CCNH: variants seen among roughly 807,000 people sequenced by gnomAD.
CCNH encodes the protein cyclin H, also known as cyclin-H.
Under a neutral mutation model 41.9 loss-of-function variants are expected in CCNH, and 31 were observed. The ratio of observed to expected loss-of-function variants is 0.74; its 90% CI spans 0.56 to 1.00. The LOEUF is 1.00. CCNH is among the 50% of genes least tolerant of loss of function. The pLI, the probability that CCNH is intolerant of heterozygous loss-of-function variation, is 0.00. For synonymous variants in CCNH, 138 were observed against 136.1 expected (o/e 1.01, Z -0.10); for missense variants, 362 against 388.4 (o/e 0.93, Z 0.57).
chr5:87,386,950 AT>A (rs1265084276), downstream of CCNH: 2 of 1,478,810 alleles, frequency 1.4e-6, no homozygotes, highest in African/African-American at 2.8e-5. Context: ...TCTAGTTGAT[AT>A]AGCTGAGTTA....
chr5:87,314,854 T>C (rs1756202503), downstream of CCNH, among the ~76,000 whole-genome samples: 1 of 152,230 alleles, frequency 6.6e-6, no homozygotes, highest in Non-Finnish European at 1.5e-5. Context: ...TTAGGAATTA[T>C]TTACATTGTT....
chr5:87,312,114 T>C, the CCNH span, among the ~76,000 whole-genome samples: 10 of 152,360 alleles, frequency 6.6e-5, no homozygotes, highest in African/African-American at 2.4e-4. Flanking sequence ...ATGCAACCTA[T>C]GATATGCATC....
Position 87,349,372 on chromosome 5 carries a change from A to G in CCNH, c.*91-30475T>C, listed in dbSNP as rs757811116. 2.9e-5 allele frequency: 47 copies of G among 1,610,922 alleles called. No homozygotes were observed. Among genetic ancestry groups the G allele is most frequent in the Non-Finnish European group, 3.7e-5 (44 of 1,178,022 alleles). On this transcript the variant is annotated intron_variant and NMD_transcript_variant, in intron 9 of 9. Transcript: ENST00000645953. ...AGGCCGGTATTATAACAGGTAAATC[A>G]TAATTTTTTAGCTATCTTTTACTTT...
At chr5:87,412,326 A>G in intron 1 of CCNH, 1 of 847,268 alleles carries the variant, frequency 1.2e-6, no homozygotes, top group Non-Finnish European at 1.5e-6. Flanking sequence ...ACTGCCTGGA[A>G]CTTCCTTTCC....
chr5:87,359,666 G>T (rs781182403), intron 9 of CCNH, among the ~76,000 whole-genome samples: 3 of 152,084 alleles, frequency 2.0e-5, no homozygotes, highest in Non-Finnish European at 2.9e-5. Flanking sequence ...ATACAAATCT[G>T]TATTACCAGG....
In CCNH at chr5:87,399,509, T is replaced by C. The variant is rs1205502865; in HGVS notation, c.761-4A>G. On this transcript the variant is annotated splice_region_variant and splice_polypyrimidine_tract_variant and intron_variant, in intron 6 of 8. Transcript: ENST00000256897. ...TTCTTTACTAAGTTTCTCATGCCTA[T>C]GTGGATACAAAAAAAGAATTTAAAC... 1.9e-6 allele frequency: 3 copies of C among 1,586,820 alleles called. No homozygotes were observed. Among genetic ancestry groups the C allele is most frequent in the African/African-American group, 1.3e-5 (1 of 74,476 alleles).
At chr5:87,394,880 C>A in intron 8 of CCNH, 164 bp downstream of exon 8, 2 of 1,412,122 alleles carry the variant, frequency 1.4e-6, no homozygotes, top group East Asian at 2.5e-5. Flanking sequence ...AGAAAAATCC[C>A]TTTAATAATG....
At chr5:87,330,949 C>T in intron 9 of CCNH, 1 of 1,430,348 alleles carries the variant, frequency 7.0e-7, no homozygotes, top group South Asian at 1.5e-5. Flanking sequence ...TTCCATGTGC[C>T]TTGTGAAGTC....
At chr5:87,330,937 G>T in intron 9 of CCNH, 1 of 1,418,194 alleles carries the variant, frequency 7.1e-7, no homozygotes, top group Non-Finnish European at 9.2e-7. Context: ...TATTCTCATA[G>T]GTTCCATGTG....
At chr5:87,325,503 G>A (rs993746831) in intron 9 of CCNH, among the ~76,000 whole-genome samples, 2 of 152,208 alleles carry the variant, frequency 1.3e-5, no homozygotes, top group Non-Finnish European at 2.9e-5. Flanking sequence ...TTAGCATTTT[G>A]AGGCTTGTAG....
intron 9 of CCNH, among the ~76,000 whole-genome samples, chr5:87,348,780 T>A (rs1759046757): frequency 6.6e-6 from 1 of 151,936 alleles, no homozygotes; most frequent in Admixed American, 6.6e-5. Context: ...GTTTAATGAT[T>A]AATTGAAAAC....
Position 87,404,859 on chromosome 5 carries a change from C to T in CCNH, c.674G>A (p.Gly225Glu), listed in dbSNP as rs952174214. 2 of 1,609,706 alleles carry T rather than the reference C, an allele frequency of 1.2e-6. No individual in the cohort carries two copies. The highest frequency in any genetic ancestry group is 1.7e-6 in the Non-Finnish European group (2 of 1,178,562). ...TAILSSASRA[G>E]ITMESYLSES... ...TAATTAATACCTTTCCATAGTAATT[C>T]CAGCCCTGGAGGCACTAGATAAAAT... Residue 225 changes from glycine (G) to glutamate (E), a missense_variant, in exon 5 of 9, where the codon GGA becomes GAA. Gly to Glu is a moderately conservative substitution (Grantham distance 98, BLOSUM62 -2). Coordinates refer to ENST00000256897, the MANE Select transcript of CCNH (RefSeq NM_001239.4).
chr5:87,344,369 A>G (rs1353071414), intron 9 of CCNH, among the ~76,000 whole-genome samples: 1 of 152,160 alleles, frequency 6.6e-6, no homozygotes, highest in Non-Finnish European at 1.5e-5. Context: ...AAAAAATTGA[A>G]TCTTATACTG....
chr5:87,394,589 G>A, intron 8 of CCNH, 105 bp from the exon 9 acceptor site: 1 of 1,546,838 alleles, frequency 6.5e-7, no homozygotes, highest in Admixed American at 2.0e-5. Context: ...TACCCATGTG[G>A]ATTACAAAAG....
intron 9 of CCNH, chr5:87,363,379 T>C: frequency 6.2e-7 from 1 of 1,610,962 alleles, no homozygotes. Flanking sequence ...ATTTATATTT[T>C]ATCTTAGAGG....
chr5:87,405,117 A>T (rs772213135), intron 4 of CCNH, 110 bp from the exon 5 acceptor site: 3 of 748,734 alleles, frequency 4.0e-6, no homozygotes, highest in African/African-American at 3.6e-5. Flanking sequence ...TAACATATCT[A>T]AAGTTCCTAG....
intron 5 of CCNH, among the ~76,000 whole-genome samples, chr5:87,403,298 A>T (rs1218050771): frequency 1.3e-5 from 2 of 151,970 alleles, no homozygotes; most frequent in Non-Finnish European, 2.9e-5. Flanking sequence ...ATTTGCAAGG[A>T]GCCAAAGGTA....
intron 9 of CCNH, among the ~76,000 whole-genome samples, chr5:87,323,318 T>TA (rs1008408461): frequency 2.6e-5 from 4 of 152,120 alleles, no homozygotes; most frequent in Non-Finnish European, 5.9e-5. Flanking sequence ...AATAGGAGCT[T>TA]AAAAAAATCT....
chr5:87,326,491 A>G (rs570326675), intron 9 of CCNH, among the ~76,000 whole-genome samples: 1 of 152,278 alleles, frequency 6.6e-6, no homozygotes, highest in South Asian at 2.1e-4. Context: ...CTGGGAAGAC[A>G]TGTATGTACT....
Sources: gnomAD v4.1 joint callset for allele counts (sites outside exome capture counted in the v4.1 genomes callset) on GRCh38, gnomAD v4.1.1 for gene constraint, MANE v1.5 for transcripts, NCBI Gene and HGNC (gene_info 2026-07-23, HGNC 2026-07-21) for gene names.